Variants in TRPM1 observed in about 807,000 individuals in gnomAD.
The protein encoded by TRPM1 is transient receptor potential cation channel subfamily M member 1.
In TRPM1, 113 loss-of-function variants were observed where a neutral mutation model predicts 149.4. The observed-to-expected ratio is 0.76, with a 90% CI of 0.65 to 0.88. The LOEUF is 0.88. Among genes scored for constraint, TRPM1 ranks in the 40% least tolerant of loss-of-function variants. The pLI is 0.00. For synonymous variants in TRPM1, 741 were observed against 759.5 expected (o/e 0.98, Z 0.40); for missense variants, 1,976 against 2,038.7 (o/e 0.97, Z 0.59).
intron 11 of TRPM1, among the ~76,000 whole-genome samples, chr15:31,055,769 C>T (rs188435680): frequency 2.3e-4 from 35 of 152,300 alleles, no homozygotes; most frequent in African/African-American, 8.4e-4. Context: ...AGGAGAAAAA[C>T]CTGTTGGCAA....
intron 27 of TRPM1, among the ~76,000 whole-genome samples, chr15:31,024,319 T>C (rs1268553491): frequency 6.6e-6 from 1 of 152,242 alleles, no homozygotes; most frequent in African/African-American, 2.4e-5. Flanking sequence ...TAGCTACTTT[T>C]ATTTCCATCC....
chr15:31,068,179 C>A, intron 4 of TRPM1, 87 bp from the exon 5 acceptor site: 1 of 1,202,932 alleles, frequency 8.3e-7, no homozygotes, highest in Non-Finnish European at 1.2e-6. Context: ...CATGTCCAAG[C>A]AAGAACTGCC....
At chr15:31,026,327 G>A (rs2032751220) in intron 26 of TRPM1, 56 bp from the exon 27 acceptor site, 2 of 1,595,806 alleles carry the variant, frequency 1.3e-6, no homozygotes, top group Admixed American at 1.7e-5. Context: ...CAGTTTCGTG[G>A]CGTCAATGAG....
At chr15:31,159,631 C>T (rs1023927987) in intron 1 of TRPM1, among the ~76,000 whole-genome samples, 31 of 152,220 alleles carry the variant, frequency 2.0e-4, no homozygotes, top group African/African-American at 6.7e-4. Flanking sequence ...GGAATGGAGG[C>T]GAGCTTTAAC....
At chr15:31,115,843 A>G (rs1465705136) in intron 1 of TRPM1, among the ~76,000 whole-genome samples, 4 of 151,980 alleles carry the variant, frequency 2.6e-5, no homozygotes, top group African/African-American at 9.7e-5. Flanking sequence ...ACAAACATTT[A>G]TTTCTCACAG....
chr15:31,047,147 A>C lies in TRPM1; in HGVS notation c.1728T>G (p.Phe576Leu). Residue 576 changes from phenylalanine (F) to leucine (L), a missense_variant, in exon 15 of 28, where the codon TTT (phenylalanine) becomes TTG (leucine). Physicochemically the swap from Phe to Leu is conservative, Grantham distance 22. Transcript: ENST00000256552. ...CAAACAAGTTGTTGTAAAGGGTCCG[A>C]AAGTTTTTCCGAGTGTAGTTGCAGC... is the stretch of plus-strand genomic sequence containing the variant. ...AYRCNYTRKN[F>L]RTLYNNLFGP... is the part of the protein sequence containing the mutation. The C allele has an allele frequency of 6.2e-7, 1 of 1,614,212 alleles. No individual in the cohort carries two copies. The highest frequency in any genetic ancestry group is 8.5e-7 in the Non-Finnish European group (1 of 1,180,022).
At chr15:31,069,925 A>C in intron 4 of TRPM1, 106 bp downstream of exon 4, 1 of 1,610,326 alleles carries the variant, frequency 6.2e-7, no homozygotes, top group African/African-American at 1.3e-5. Context: ...AGGAAGATTG[A>C]GCCACAGCCA....
chr15:31,012,225 T>C (rs915336921), intron 27 of TRPM1, among the ~76,000 whole-genome samples: 4 of 152,254 alleles, frequency 2.6e-5, no homozygotes, highest in African/African-American at 9.6e-5. Context: ...TTTCTTCATG[T>C]GGATCTTAGG....
intron 1 of TRPM1, among the ~76,000 whole-genome samples, chr15:31,123,081 C>T (rs2035901352): frequency 6.6e-6 from 1 of 152,200 alleles, no homozygotes; most frequent in Non-Finnish European, 1.5e-5. Context: ...CAAAGGCAAT[C>T]CAATGGAGAA....
intron 26 of TRPM1, 195 bp from the exon 27 acceptor site, chr15:31,026,466 A>C: frequency 1.4e-6 from 1 of 696,644 alleles, no homozygotes; most frequent in Non-Finnish European, 2.4e-6. Flanking sequence ...TTGGAGCCAA[A>C]CGGCCCGCTT....
intron 1 of TRPM1, among the ~76,000 whole-genome samples, chr15:31,115,114 C>A (rs1449391148): frequency 2.0e-5 from 3 of 152,006 alleles, no homozygotes; most frequent in Admixed American, 2.0e-4. Context: ...AAACATTAGT[C>A]GAGCATGGTG....
At chr15:31,092,675 T>C (rs967912900) in intron 1 of TRPM1, among the ~76,000 whole-genome samples, 4 of 152,222 alleles carry the variant, frequency 2.6e-5, no homozygotes, top group Non-Finnish European at 5.9e-5. Flanking sequence ...TACTTGTGCA[T>C]GTATGTATCT....
chr15:31,105,139 AT>A (rs1313899499), upstream of TRPM1, among the ~76,000 whole-genome samples: 1 of 152,196 alleles, frequency 6.6e-6, no homozygotes, highest in Non-Finnish European at 1.5e-5. Flanking sequence ...TATTTGATGC[AT>A]TTAAATCCAC....
intron 11 of TRPM1, among the ~76,000 whole-genome samples, chr15:31,058,974 T>C (rs2034156507): frequency 6.6e-6 from 1 of 152,086 alleles, no homozygotes; most frequent in Non-Finnish European, 1.5e-5. Context: ...TCCCAGCTAC[T>C]TGGGAGGCTG....
chr15:31,117,696 AC>A (rs1438422533), intron 1 of TRPM1, among the ~76,000 whole-genome samples: 1 of 140,878 alleles, frequency 7.1e-6, no homozygotes, highest in Non-Finnish European at 1.6e-5. Flanking sequence ...ACACACACAC[AC>A]ACTAAGGGCT....
chr15:31,031,822 T>G (rs2033093844), intron 22 of TRPM1, among the ~76,000 whole-genome samples: 2 of 152,158 alleles, frequency 1.3e-5, no homozygotes, highest in South Asian at 4.1e-4. Context: ...TCATTTTCAG[T>G]TTCATATTCT....
chr15:31,104,524 G>A (rs549357115), upstream of TRPM1, among the ~76,000 whole-genome samples: 13 of 151,958 alleles, frequency 8.6e-5, no homozygotes, highest in South Asian at 4.2e-4. Flanking sequence ...CAATGCCGGC[G>A]GACTTTGGTG....
intron 10 of TRPM1, among the ~76,000 whole-genome samples, chr15:31,061,032 G>A (rs894298648): frequency 1.3e-5 from 2 of 152,200 alleles, no homozygotes; most frequent in Non-Finnish European, 2.9e-5. Flanking sequence ...GAGGCAGGGA[G>A]GAAGTGTGCA....
chr15:31,116,563 C>T (rs999049586), intron 1 of TRPM1, among the ~76,000 whole-genome samples: 1 of 151,954 alleles, frequency 6.6e-6, no homozygotes, highest in Non-Finnish European at 1.5e-5. Context: ...GATCATGCCA[C>T]TGCACTCCAG....
Sources: allele counts gnomAD v4.1 joint callset (sites outside exome capture counted in the v4.1 genomes callset), GRCh38; gene constraint gnomAD v4.1.1; transcripts MANE v1.5; gene names NCBI Gene and HGNC (gene_info 2026-07-23, HGNC 2026-07-21).